Variants in KDM4C observed in about 807,000 individuals in gnomAD.
KDM4C encodes the protein lysine-specific demethylase 4C.
KDM4C carries 81 observed loss-of-function variants against 129.3 expected under a neutral mutation model. The ratio of observed to expected loss-of-function variants is 0.63; its 90% CI spans 0.52 to 0.75. The LOEUF is 0.75. Ranked by LOEUF, KDM4C falls within the 30% of genes least tolerant of loss-of-function variation. KDM4C has a pLI of 0.00. For synonymous variants in KDM4C, 573 were observed against 456.1 expected (o/e 1.26, Z -3.26); for missense variants, 1,457 against 1,304.0 (o/e 1.12, Z -1.81).
chr9:7,074,794 A>G (rs1185777506), intron 17 of KDM4C, among the ~76,000 whole-genome samples: 1 of 152,178 alleles, frequency 6.6e-6, no homozygotes, highest in Non-Finnish European at 1.5e-5. Context: ...CACTAAGATA[A>G]TGAGTGAGCC....
chr9:7,121,632 G>T (rs1235585249), intron 18 of KDM4C, among the ~76,000 whole-genome samples: 1 of 152,120 alleles, frequency 6.6e-6, no homozygotes, highest in African/African-American at 2.4e-5. Context: ...TTACATATGT[G>T]TACGTAGATG....
intron 18 of KDM4C, among the ~76,000 whole-genome samples, chr9:7,115,995 C>T (rs140403165): frequency 1.3e-4 from 20 of 152,270 alleles, no homozygotes; most frequent in African/African-American, 4.6e-4. Flanking sequence ...CTTGTCTTCT[C>T]ATCCTACACT....
chr9:6,944,317 G>A (rs1368433552), intron 8 of KDM4C, among the ~76,000 whole-genome samples: 1 of 152,164 alleles, frequency 6.6e-6, no homozygotes, highest in Non-Finnish European at 1.5e-5. Context: ...GGAAGCTGGG[G>A]TGTTAAACTC....
At position 7,062,225 on chromosome 9, in the gene KDM4C, C is replaced by G. The variant is rs144164017; in HGVS notation, c.2424+13025C>G. 4.5e-4 allele frequency among the ~76,000 whole-genome samples: 69 copies of G among 152,290 alleles called. 1 individual carries two copies. Among genetic ancestry groups the G allele is most frequent in the Non-Finnish European group, 8.8e-4 (60 of 68,028 alleles). On this transcript the variant is annotated intron_variant, in intron 17 of 21. Coordinates refer to ENST00000381309, the MANE Select transcript of KDM4C (RefSeq NM_015061.6). ...CCTTGTGATCTGCCTGCCTTGGCCT[C>G]CCAAAGTGCTGGGATTACAGGTGTG...
chr9:6,864,909 C>T (rs1362949924), intron 5 of KDM4C, among the ~76,000 whole-genome samples: 1 of 151,316 alleles, frequency 6.6e-6, no homozygotes, highest in Non-Finnish European at 1.5e-5. Flanking sequence ...CTGTTGAGAG[C>T]CTCTGATTAA....
chr9:6,891,715 T>C (rs1374658943), intron 7 of KDM4C, among the ~76,000 whole-genome samples: 1 of 152,144 alleles, frequency 6.6e-6, no homozygotes, highest in Admixed American at 6.5e-5. Flanking sequence ...AAAAACACTA[T>C]ATGTATATAC....
intron 4 of KDM4C, among the ~76,000 whole-genome samples, chr9:6,824,639 A>G (rs74410441): frequency 2.2e-5 from 1 of 45,888 alleles, no homozygotes; most frequent in Non-Finnish European, 3.5e-5. Context: ...ACTCCGTCTC[A>G]AAAAAAAAAA....
intron 7 of KDM4C, among the ~76,000 whole-genome samples, chr9:6,889,211 T>TTTTGTGTGTGTGTGTG (rs766335055): frequency 1.3e-4 from 8 of 61,554 alleles, no homozygotes; most frequent in African/African-American, 5.3e-4. Flanking sequence ...GGCCTTCTTT[T>TTTTGTGTGTGTGTGTG]TGTGTGTGTG....
chr9:7,144,795 C>T (rs974264021), intron 19 of KDM4C, among the ~76,000 whole-genome samples: 5 of 152,224 alleles, frequency 3.3e-5, no homozygotes, highest in Non-Finnish European at 5.9e-5. Flanking sequence ...CACTGTAAGA[C>T]GTGGCATGCC....
At chr9:6,894,181 T>G (rs1463022846) in intron 8 of KDM4C, among the ~76,000 whole-genome samples, 1 of 152,222 alleles carries the variant, frequency 6.6e-6, no homozygotes, top group Non-Finnish European at 1.5e-5. Flanking sequence ...CTTAGTTTAA[T>G]TTACCTGTGT....
chr9:6,980,997 C>G lies in KDM4C; in HGVS notation c.994C>G (p.Gln332Glu). 6.2e-7 allele frequency: 1 copy of G among 1,613,866 alleles called. No homozygotes were observed. The highest frequency in any genetic ancestry group is 2.2e-5 in the East Asian group (1 of 44,864). Residue 332 changes from glutamine (Q) to glutamate (E), a missense_variant, in exon 9 of 22, where the codon CAG becomes GAG. Coordinates refer to ENST00000381309, the MANE Select transcript of KDM4C (RefSeq NM_015061.6). The stretch of plus-strand genomic sequence containing the variant: ...GAGGAAATTTCAGCCAGACAGATAT[C>G]AGCTTTGGAAACAAGGAAAGGATAT... ...FVRKFQPDRYQLWKQGKDIYT... is the reference protein window; with the variant it reads ...FVRKFQPDRYELWKQGKDIYT...
At chr9:6,845,890 C>T (rs967850940) in intron 4 of KDM4C, among the ~76,000 whole-genome samples, 17 of 152,208 alleles carry the variant, frequency 1.1e-4, no homozygotes, top group African/African-American at 4.1e-4. Context: ...GGCTGGTGTG[C>T]AGCCTTTCTG....
At chr9:6,769,243 A>G (rs144204243) in intron 1 of KDM4C, among the ~76,000 whole-genome samples, 109 of 152,094 alleles carry the variant, frequency 7.2e-4, no homozygotes, top group African/African-American at 2.6e-3. Flanking sequence ...ATCTTAAATA[A>G]CATGTCATAC....
At chr9:6,872,898 A>G (rs1842982552) in intron 5 of KDM4C, among the ~76,000 whole-genome samples, 1 of 152,162 alleles carries the variant, frequency 6.6e-6, no homozygotes, top group Non-Finnish European at 1.5e-5. Context: ...ATTCGCCTTT[A>G]ACAATAGAGT....
chr9:7,032,989 A>T (rs376398128), intron 15 of KDM4C, among the ~76,000 whole-genome samples: 2 of 152,050 alleles, frequency 1.3e-5, no homozygotes, highest in African/African-American at 4.8e-5. Context: ...CTTGAATTCA[A>T]TTTCCCAACT....
chr9:7,059,431 CATG>C (rs1337596681), intron 17 of KDM4C, among the ~76,000 whole-genome samples: 1 of 152,146 alleles, frequency 6.6e-6, no homozygotes, highest in Non-Finnish European at 1.5e-5. Flanking sequence ...ATGATGAATG[CATG>C]ATGTTACCAA....
intron 17 of KDM4C, among the ~76,000 whole-genome samples, chr9:7,059,517 T>C (rs143548684): frequency 2.4e-4 from 37 of 152,366 alleles, no homozygotes; most frequent in African/African-American, 8.9e-4. Flanking sequence ...CAGTACATGG[T>C]ATGAAAAGTT....
In KDM4C at chr9:6,809,461, C is replaced by T. The variant is rs182598753; in HGVS notation, c.320+3687C>T. 1.7e-3 allele frequency among the ~76,000 whole-genome samples: 261 copies of T among 152,290 alleles called. 1 individual carries two copies. Among genetic ancestry groups the T allele is most frequent in the Middle Eastern group, 0.014 (4 of 294 alleles). ...AATAGGTTAGGTCATTGAGTAGTAA[C>T]TCTGCTTGGCTCCTTTGATATTTCA... On this transcript the variant is annotated intron_variant, in intron 3 of 21. Coordinates refer to ENST00000381309, the MANE Select transcript of KDM4C (RefSeq NM_015061.6).
chr9:7,109,902 T>C lies in KDM4C; in HGVS notation c.2610+6032T>C, dbSNP rs139188540. On this transcript the variant is annotated intron_variant, in intron 18 of 21. Coordinates refer to ENST00000381309, the MANE Select transcript of KDM4C (RefSeq NM_015061.6). The stretch of plus-strand genomic sequence containing the variant: ...CCAGGTAGAGGTAATTGGATCATGG[T>C]GGCAGTTTGTCTCACAAGATCTGAT... Among the ~76,000 whole-genome samples, 415 of 152,288 alleles carry C rather than the reference T, an allele frequency of 2.7e-3. 3 individuals carry two copies. The highest frequency in any genetic ancestry group is 9.8e-3 in the African/African-American group (407 of 41,572).
Sources: gnomAD v4.1 joint callset for allele counts (sites outside exome capture counted in the v4.1 genomes callset) on GRCh38, gnomAD v4.1.1 for gene constraint, MANE v1.5 for transcripts, NCBI Gene and HGNC (gene_info 2026-07-23, HGNC 2026-07-21) for gene names.